MED13L: variants seen among roughly 807,000 people sequenced by gnomAD.
MED13L encodes mediator of RNA polymerase II transcription subunit 13-like.
In MED13L, 7 loss-of-function variants were observed where a neutral mutation model predicts 220.9. The ratio of observed to expected loss-of-function variants is 0.03; its 90% CI spans 0.02 to 0.06. The LOEUF is 0.06. MED13L is among the 10% of genes least tolerant of loss of function. MED13L has a pLI of 1.00. For missense variants in MED13L, 1,965 were observed against 2,760.5 expected, an observed-to-expected ratio of 0.71 and a Z score of 6.46; for synonymous variants, 1,011 against 1,015.2, an observed-to-expected ratio of 1.00 and a Z score of 0.08.
At position 116,242,176 on chromosome 12, in the gene MED13L, G is replaced by A. The variant is rs186847998; in HGVS notation, c.73-4471C>T. The stretch of plus-strand genomic sequence containing the variant: ...TCTCCTGCCTCAGCCTCCCAAGTAG[G>A]TGGGATTACAGGTGCCCGCCACCAC... On this transcript the variant is annotated intron_variant, in intron 1 of 30. Transcript: ENST00000281928. Among the ~76,000 whole-genome samples, 3 of 151,288 alleles carry A rather than the reference G, an allele frequency of 2.0e-5. No individual in the cohort carries two copies. The East Asian group carries it at 5.9e-4, about 30-fold the overall frequency.
intron 2 of MED13L, among the ~76,000 whole-genome samples, chr12:116,176,822 C>T (rs1880097730): frequency 6.9e-6 from 1 of 144,020 alleles, no homozygotes; most frequent in African/African-American, 2.6e-5. Flanking sequence ...GGGAGGCAAC[C>T]AGTTAACTCA....
intron 2 of MED13L, among the ~76,000 whole-genome samples, chr12:116,217,255 G>A (rs1306111396): frequency 6.6e-6 from 1 of 152,202 alleles, no homozygotes; most frequent in Non-Finnish European, 1.5e-5. Context: ...TGAAACAGGA[G>A]CCCAATGTGA....
At chr12:116,082,387 G>GA (rs1323889493) in intron 4 of MED13L, among the ~76,000 whole-genome samples, 1 of 152,120 alleles carries the variant, frequency 6.6e-6, no homozygotes, top group Non-Finnish European at 1.5e-5. Flanking sequence ...ATCCAAATGA[G>GA]AAAAAATATA....
chr12:115,976,174 C>A (rs1008552734), intron 23 of MED13L, among the ~76,000 whole-genome samples: 8 of 152,086 alleles, frequency 5.3e-5, no homozygotes, highest in African/African-American at 1.9e-4. Context: ...TTTGAACCAA[C>A]AAAATGCACA....
chr12:116,161,205 C>T (rs1878828794), intron 2 of MED13L, among the ~76,000 whole-genome samples: 1 of 152,182 alleles, frequency 6.6e-6, no homozygotes, highest in African/African-American at 2.4e-5. Flanking sequence ...CAACTCCCAA[C>T]ACTATTGCAC....
intron 2 of MED13L, among the ~76,000 whole-genome samples, chr12:116,160,682 C>A (rs1472201159): frequency 6.6e-6 from 1 of 152,086 alleles, no homozygotes; most frequent in Non-Finnish European, 1.5e-5. Flanking sequence ...CAGCCATTCT[C>A]CTACCTCAGC....
chr12:115,975,675 T>A lies in MED13L; in HGVS notation c.5428A>T (p.Thr1810Ser). Residue 1810 changes from threonine (T) to serine (S), a missense_variant, in exon 24 of 31, where the codon ACA (threonine) becomes TCA (serine). Around this residue, in one of 10 missense-constraint regions of MED13L, gnomAD observed 510 missense variants for 620.4 expected, o/e 0.82. Transcript: ENST00000281928. ...FILAPIKDKQTELGETFGEAS... is the reference protein window; with the variant it reads ...FILAPIKDKQSELGETFGEAS... ...TCACCAAACGTCTCTCCCAGCTCTG[T>A]CTGCTTGTCTTTGATTGGGGCCAAT... is the stretch of plus-strand genomic sequence containing the variant. The A allele has an allele frequency of 6.2e-7, 1 of 1,614,014 alleles. No individual in the cohort carries two copies.
At chr12:116,028,673 T>C (rs914239307) in intron 4 of MED13L, among the ~76,000 whole-genome samples, 2 of 152,108 alleles carry the variant, frequency 1.3e-5, no homozygotes, top group Non-Finnish European at 2.9e-5. Flanking sequence ...GGCCAGAAGA[T>C]ACTATCAAAT....
At position 115,982,297 on chromosome 12, in the gene MED13L, T is replaced by C. The variant is rs1484591160; in HGVS notation, c.5175+87A>G. The C allele has an allele frequency of 2.9e-6, 4 of 1,395,100 alleles. No homozygotes were observed. The Admixed American group carries it at 7.4e-5, about 26-fold the overall frequency. The allele number at this position is 1,395,100 out of a possible 1,614,324, so 86.4% of individuals were successfully genotyped here. On this transcript the variant is annotated intron_variant, in intron 22 of 30. Coordinates refer to ENST00000281928, the MANE Select transcript of MED13L (RefSeq NM_015335.5). ...GGATAATTAACCTGTACTTCCATTT[T>C]TTAAGAAAAATCATAGGCCTGTATT... is the stretch of plus-strand genomic sequence containing the variant.
intron 1 of MED13L, among the ~76,000 whole-genome samples, chr12:116,248,677 T>C (rs1027304421): frequency 6.6e-6 from 1 of 152,282 alleles, no homozygotes; most frequent in Non-Finnish European, 1.5e-5. Flanking sequence ...ATTTGCATAT[T>C]GTCTGTGGCT....
intron 4 of MED13L, among the ~76,000 whole-genome samples, chr12:116,084,450 TAA>T (rs939140544): frequency 2.6e-5 from 4 of 152,204 alleles, no homozygotes; most frequent in Non-Finnish European, 2.9e-5. Context: ...CACATATTGT[TAA>T]GAGAGATCAT....
intron 4 of MED13L, among the ~76,000 whole-genome samples, chr12:116,025,935 T>C (rs1354582900): frequency 6.6e-6 from 1 of 152,228 alleles, no homozygotes; most frequent in East Asian, 1.9e-4. Flanking sequence ...TTACACGCTG[T>C]ATACAGGTAT....
At chr12:115,988,928 C>T (rs921413491) in intron 17 of MED13L, among the ~76,000 whole-genome samples, 2 of 152,162 alleles carry the variant, frequency 1.3e-5, no homozygotes, top group Non-Finnish European at 1.5e-5. Flanking sequence ...TAAATTCATT[C>T]AGTAGAAACT....
chr12:116,266,805 A>G (rs1204182247), intron 1 of MED13L, among the ~76,000 whole-genome samples: 1 of 152,220 alleles, frequency 6.6e-6, no homozygotes, highest in Non-Finnish European at 1.5e-5. Context: ...AACTTAAGAC[A>G]CTATTCATAT....
At chr12:116,165,521 G>A (rs1428283308) in intron 2 of MED13L, among the ~76,000 whole-genome samples, 2 of 151,654 alleles carry the variant, frequency 1.3e-5, no homozygotes, top group Non-Finnish European at 2.9e-5. Context: ...TAGTAGAGAT[G>A]GGGTTTCACT....
At chr12:116,101,081 T>C (rs977446809) in intron 3 of MED13L, among the ~76,000 whole-genome samples, 6 of 152,200 alleles carry the variant, frequency 3.9e-5, no homozygotes, top group African/African-American at 1.4e-4. Context: ...CTAATGTCTA[T>C]TAACCCTGCT....
chr12:116,085,750 TCACTCACACACACACA>T (rs1871616064), intron 4 of MED13L, among the ~76,000 whole-genome samples: 1 of 100,060 alleles, frequency 1.0e-5, no homozygotes, highest in Non-Finnish European at 2.0e-5. Flanking sequence ...AAGATTAAAA[TCACTCACACACACACA>T]CACACACACA....
chr12:115,960,083 C>G lies in MED13L; in HGVS notation c.*1183G>C, dbSNP rs1875665592. Reference sequence around the variant, plus strand: ...ATTAGCCATTAATGCTTTAAAAAGGCATTTTTTTAAAAAGTCCCACCACAA... The same window carrying G: ...ATTAGCCATTAATGCTTTAAAAAGGGATTTTTTTAAAAAGTCCCACCACAA... On this transcript the variant is annotated 3_prime_UTR_variant, in exon 31 of 31. Transcript: ENST00000281928. The G allele has an allele frequency of 6.6e-6, 1 of 152,568 alleles. No individual in the cohort carries two copies. The highest frequency in any genetic ancestry group is 6.5e-5 in the Admixed American group (1 of 15,276). 9.5% of individuals were successfully genotyped at this position (152,568 alleles called of 1,614,324 possible). A position where few individuals can be genotyped will look rare whatever the true frequency, so the allele number is the denominator to read the frequency against.
chr12:116,205,781 G>C (rs1390916910), intron 2 of MED13L, among the ~76,000 whole-genome samples: 2 of 152,002 alleles, frequency 1.3e-5, no homozygotes, highest in East Asian at 3.9e-4. Context: ...CCTGGAGCTT[G>C]AGAAAGCAGT....
Sources: gnomAD v4.1 joint callset for allele counts (sites outside exome capture counted in the v4.1 genomes callset) on GRCh38, gnomAD v4.1.1 for gene constraint, gnomAD v4.1.1 regional missense constraint, MANE v1.5 for transcripts, NCBI Gene and HGNC (gene_info 2026-07-23, HGNC 2026-07-21) for gene names.